The following USP24 variants were observed in gnomAD, a reference collection of about 807,000 sequenced individuals.
USP24 encodes the protein ubiquitin carboxyl-terminal hydrolase 24.
Under a neutral mutation model 361.6 loss-of-function variants are expected in USP24, and 97 were observed. That is an observed-to-expected ratio of 0.27 (90% CI 0.23 to 0.32). The LOEUF is 0.32. Among genes scored for constraint, USP24 ranks in the 10% least tolerant of loss-of-function variants. The probability of loss-of-function intolerance (pLI) is 1.00; values close to 1 mark genes in which losing one functional copy is unlikely to be tolerated. For missense variants in USP24, 2,353 were observed against 3,165.6 expected (o/e 0.74, Z 6.16); for synonymous variants, 1,098 against 1,124.6 (o/e 0.98, Z 0.47).
chr1:55,090,910 C>T (rs867077562), intron 54 of USP24, among the ~76,000 whole-genome samples: 1 of 152,168 alleles, frequency 6.6e-6, no homozygotes, highest in African/African-American at 2.4e-5. Flanking sequence ...CACGGCGAAA[C>T]CCCGTCTCTA....
chr1:55,207,752 C>T (rs1644748667), intron 1 of USP24, among the ~76,000 whole-genome samples: 1 of 152,096 alleles, frequency 6.6e-6, no homozygotes, highest in Admixed American at 6.6e-5. Context: ...ACAACTGTAT[C>T]GTATTGCTTA....
chr1:55,206,152 CACTG>C (rs1241159026), intron 1 of USP24, among the ~76,000 whole-genome samples: 1 of 152,180 alleles, frequency 6.6e-6, no homozygotes, highest in Non-Finnish European at 1.5e-5. Context: ...TGCATCCAAC[CACTG>C]AGTCATCTCT....
In USP24 at chr1:55,148,499, G is replaced by T; in HGVS notation, c.1932C>A (p.Arg644=). 6.3e-7 allele frequency: 1 copy of T among 1,592,910 alleles called. No homozygotes were observed. Among genetic ancestry groups the T allele is most frequent in the Non-Finnish European group, 8.6e-7 (1 of 1,168,500 alleles). The change falls in exon 17 of 68, where the codon CGC becomes CGA. Residue 644 remains arginine (R), a synonymous_variant. Transcript: ENST00000294383. ...TTTGATAGGTTTGTTTTATGAATGA[G>T]CGAGTAATTTCATGGAGCTGACGCA... The part of the protein sequence containing the change: ...PALRQLHEIT[R]SFIKQTYQKQ...
chr1:55,171,566 G>A lies in USP24; in HGVS notation c.815C>T (p.Thr272Ile). 6.2e-7 allele frequency: 1 copy of A among 1,610,048 alleles called. No individual in the cohort carries two copies. The highest frequency in any genetic ancestry group is 1.1e-5 in the South Asian group (1 of 90,260). Residue 272 changes from threonine to isoleucine, a missense_variant, in exon 5 of 68, where the codon ACT becomes ATT. Thr to Ile is a moderately conservative substitution (Grantham distance 89). Around this residue, in one of 8 missense-constraint regions of USP24, gnomAD observed 386 missense variants for 560.5 expected, o/e 0.69. Coordinates refer to ENST00000294383, the MANE Select transcript of USP24 (RefSeq NM_015306.3). ...CTAAATGATGTTTACCTTTTGGAAA[G>A]TCGATACAGGTGAAACAGCAAACAT... ...GNMFAVSPVS[T>I]FQKEPHGWVV...
chr1:55,157,814 A>G (rs1322710894), intron 10 of USP24, among the ~76,000 whole-genome samples: 2 of 150,934 alleles, frequency 1.3e-5, no homozygotes, highest in Non-Finnish European at 2.9e-5. Flanking sequence ...AGCCTGGGTG[A>G]CAGAGCGAGA....
chr1:55,101,818 T>C, intron 42 of USP24, 115 bp from the exon 43 acceptor site: 1 of 1,322,882 alleles, frequency 7.6e-7, no homozygotes, highest in Non-Finnish European at 9.9e-7. Context: ...ATCCAGCATG[T>C]TATGAAAGCT....
At chr1:55,130,050 G>A (rs1646547056) in intron 31 of USP24, among the ~76,000 whole-genome samples, 1 of 152,138 alleles carries the variant, frequency 6.6e-6, no homozygotes, top group African/African-American at 2.4e-5. Flanking sequence ...GACCTGAAAG[G>A]TTAAGTAGGT....
chr1:55,211,800 T>G (rs942938334), intron 1 of USP24, among the ~76,000 whole-genome samples: 1 of 152,242 alleles, frequency 6.6e-6, no homozygotes, highest in African/African-American at 2.4e-5. Context: ...ATTTCTTTCT[T>G]TTCTAATCAA....
At chr1:55,190,739 G>A (rs1352485320) in intron 1 of USP24, among the ~76,000 whole-genome samples, 2 of 152,180 alleles carry the variant, frequency 1.3e-5, no homozygotes, top group Admixed American at 6.5e-5. Flanking sequence ...TAAAGAAAAG[G>A]ATAATGTGAA....
intron 1 of USP24, among the ~76,000 whole-genome samples, chr1:55,202,252 A>G (rs1644595022): frequency 6.6e-6 from 1 of 152,250 alleles, no homozygotes; most frequent in Admixed American, 6.5e-5. Flanking sequence ...CTGCAAGTAT[A>G]TAATACATCC....
intron 42 of USP24, 111 bp downstream of exon 42, chr1:55,103,765 T>C (rs985192745): frequency 6.5e-6 from 8 of 1,236,628 alleles, no homozygotes; most frequent in Admixed American, 2.7e-5. Flanking sequence ...GTAAGCAAAA[T>C]AGTAATACTG....
At chr1:55,187,257 CA>C (rs1350215819) in intron 1 of USP24, among the ~76,000 whole-genome samples, 1 of 151,998 alleles carries the variant, frequency 6.6e-6, no homozygotes, top group Non-Finnish European at 1.5e-5. Context: ...AAAACAACGA[CA>C]AAACACTCAA....
intron 1 of USP24, among the ~76,000 whole-genome samples, chr1:55,207,827 A>G (rs1234347356): frequency 3.9e-5 from 6 of 152,238 alleles, no homozygotes; most frequent in Non-Finnish European, 7.3e-5. Context: ...AAATAATGTC[A>G]AATGAATTTT....
In USP24 at chr1:55,176,421, A is replaced by G. The variant is rs1436894573; in HGVS notation, c.513T>C (p.Asn171=). 4 of 1,571,910 alleles carry G rather than the reference A, an allele frequency of 2.5e-6. No individual in the cohort carries two copies. The highest frequency in any genetic ancestry group is 2.6e-6 in the Non-Finnish European group (3 of 1,156,752). Reference sequence around the variant, plus strand: ...TACACCTGTCCATAAACCTTCTACAATTCTCATCAGACTCGGAAAGACCTT... The same window carrying G: ...TACACCTGTCCATAAACCTTCTACAGTTCTCATCAGACTCGGAAAGACCTT... ...ARLGLSESDE[N]CRRFMDRCMP... is the part of the protein sequence containing the mutation. The change falls in exon 3 of 68, where the codon AAT becomes AAC. Residue 171 remains asparagine (N), a synonymous_variant. Coordinates refer to ENST00000294383, the MANE Select transcript of USP24 (RefSeq NM_015306.3).
In USP24 at chr1:55,120,771, T is replaced by C; in HGVS notation, c.4348-15A>G. 1 of 1,553,312 alleles carries C rather than the reference T, an allele frequency of 6.4e-7. No individual in the cohort carries two copies. Among genetic ancestry groups the C allele is most frequent in the Non-Finnish European group, 8.7e-7 (1 of 1,148,084 alleles). The stretch of plus-strand genomic sequence containing the variant: ...ACCCGGCGAATCTGAAATTACATGA[T>C]CAGCAGCAAAGGACAGACATGAATC... On this transcript the variant is annotated splice_polypyrimidine_tract_variant and intron_variant, in intron 37 of 67. Coordinates refer to ENST00000294383, the MANE Select transcript of USP24 (RefSeq NM_015306.3).
chr1:55,080,548 T>G (rs1014139316), intron 59 of USP24, among the ~76,000 whole-genome samples: 4 of 152,200 alleles, frequency 2.6e-5, no homozygotes, highest in African/African-American at 9.6e-5. Flanking sequence ...CTCATAGGTT[T>G]GTTACGGGGA....
rs1553149511 is a variant in USP24, at chr1:55,105,323, C to CT, written c.4880+822dup. 1.5e-3 allele frequency among the ~76,000 whole-genome samples: 222 copies of CT among 152,092 alleles called. 1 individual carries two copies. Among genetic ancestry groups the CT allele is most frequent in the African/African-American group, 5.1e-3 (211 of 41,486 alleles). ...CCAAGAGTTCTAATAAAGGGTTTTA[C>CT]TTTTTTTTCTTACCTAAAACAGATT... On this transcript the variant is annotated intron_variant, in intron 41 of 67. Coordinates refer to ENST00000294383, the MANE Select transcript of USP24 (RefSeq NM_015306.3).
At chr1:55,178,163 AT>A (rs1166820161) in intron 1 of USP24, 31 bp from the exon 2 acceptor site, 2 of 1,436,296 alleles carry the variant, frequency 1.4e-6, no homozygotes, top group Admixed American at 2.6e-5. Context: ...TAAAAAGCAA[AT>A]AAAACTAATT....
intron 1 of USP24, among the ~76,000 whole-genome samples, chr1:55,184,192 G>A (rs1644060960): frequency 6.6e-6 from 1 of 152,024 alleles, no homozygotes. Context: ...AAGTGGCTGA[G>A]ATTACAGGCA....
Sources: gnomAD v4.1 joint callset for allele counts (sites outside exome capture counted in the v4.1 genomes callset) on GRCh38, gnomAD v4.1.1 for gene constraint, gnomAD v4.1.1 regional missense constraint, MANE v1.5 for transcripts, NCBI Gene and HGNC (gene_info 2026-07-23, HGNC 2026-07-21) for gene names.